The following BRWD1 variants were observed in gnomAD, a reference collection of about 807,000 sequenced individuals.
BRWD1 encodes the protein bromodomain and WD repeat domain containing 1.
BRWD1 carries 82 observed loss-of-function variants against 251.2 expected under a neutral mutation model. That is an observed-to-expected ratio of 0.33 (90% CI 0.27 to 0.39). BRWD1 has a LOEUF of 0.39. Among genes scored for constraint, BRWD1 ranks in the 10% least tolerant of loss-of-function variants. BRWD1 has a pLI of 1.00. For synonymous variants in BRWD1, 918 were observed against 902.8 expected, an observed-to-expected ratio of 1.02 and a Z score of -0.30; for missense variants, 2,233 against 2,711.6, an observed-to-expected ratio of 0.82 and a Z score of 3.92.
chr21:39,280,088 T>A, intron 9 of BRWD1, 60 bp downstream of exon 9: 5 of 1,217,956 alleles, frequency 4.1e-6, no homozygotes, highest in Non-Finnish European at 5.7e-6. Flanking sequence ...CTTCATTTCA[T>A]TAGATTAAAC....
intron 4 of BRWD1, among the ~76,000 whole-genome samples, chr21:39,309,020 G>A (rs1394688169): frequency 3.3e-5 from 5 of 151,860 alleles, no homozygotes; most frequent in African/African-American, 9.7e-5. Flanking sequence ...CTAAAACTAC[G>A]AAAATTAGCT....
chr21:39,286,077 C>T (rs998183351), intron 8 of BRWD1, among the ~76,000 whole-genome samples: 8 of 131,528 alleles, frequency 6.1e-5, no homozygotes, highest in East Asian at 2.2e-4. Flanking sequence ...TGCAGTGGTG[C>T]GATCTCGGCT....
chr21:39,215,663 T>G (rs1345342568), intron 31 of BRWD1, among the ~76,000 whole-genome samples: 1 of 152,002 alleles, frequency 6.6e-6, no homozygotes, highest in African/African-American at 2.4e-5. Flanking sequence ...TTAAAATTGT[T>G]GAATCTCAAT....
chr21:39,203,764 A>G (rs1257321827), intron 37 of BRWD1, among the ~76,000 whole-genome samples: 1 of 150,922 alleles, frequency 6.6e-6, no homozygotes, highest in East Asian at 1.9e-4. Context: ...TAGACATTGA[A>G]GCTTAAAGTT....
intron 12 of BRWD1, among the ~76,000 whole-genome samples, chr21:39,275,169 T>A (rs1212841023): frequency 6.6e-6 from 1 of 152,250 alleles, no homozygotes; most frequent in Non-Finnish European, 1.5e-5. Flanking sequence ...AATTAATTCA[T>A]GTTGGACACT....
At chr21:39,212,952 A>G (rs1475436077) in intron 33 of BRWD1, among the ~76,000 whole-genome samples, 1 of 152,152 alleles carries the variant, frequency 6.6e-6, no homozygotes, top group African/African-American at 2.4e-5. Context: ...TTGAAATTAC[A>G]GCTATAAAAA....
intron 18 of BRWD1, 25 bp from the exon 19 acceptor site, chr21:39,255,853 A>T (rs776731356): frequency 1.3e-6 from 2 of 1,598,026 alleles, no homozygotes; most frequent in Admixed American, 3.3e-5. Context: ...TGGGGAAGTG[A>T]TTCCAATACA....
chr21:39,228,200 A>C (rs1460508049), intron 27 of BRWD1, among the ~76,000 whole-genome samples: 2 of 152,168 alleles, frequency 1.3e-5, no homozygotes, highest in Non-Finnish European at 2.9e-5. Flanking sequence ...AGGCAAGAGA[A>C]TCGCTTGAAC....
intron 17 of BRWD1, among the ~76,000 whole-genome samples, chr21:39,260,490 C>G (rs1015565024): frequency 3.9e-5 from 6 of 152,140 alleles, no homozygotes; most frequent in Non-Finnish European, 7.3e-5. Flanking sequence ...TCTCAAATAT[C>G]AGAATGTTAA....
intron 33 of BRWD1, among the ~76,000 whole-genome samples, chr21:39,213,220 A>G (rs1375139957): frequency 3.9e-5 from 6 of 152,312 alleles, no homozygotes; most frequent in Non-Finnish European, 7.3e-5. Context: ...GGTACTTTAT[A>G]TAATACACCT....
chr21:39,306,296 CTT>C (rs1647487136), intron 4 of BRWD1, among the ~76,000 whole-genome samples: 2 of 152,186 alleles, frequency 1.3e-5, no homozygotes, highest in Admixed American at 1.3e-4. Context: ...GTCTCGATCT[CTT>C]GACCTTGTGA....
chr21:39,313,799 G>A (rs1356383798), upstream of BRWD1: 1 of 372,346 alleles, frequency 2.7e-6, no homozygotes, highest in African/African-American at 2.2e-5. Flanking sequence ...TGAGGAGAAA[G>A]TGACGCGGAG....
At position 39,194,076 on chromosome 21, in the gene BRWD1, CTTCTGTA is replaced by C; in HGVS notation, c.*2176_*2182del. On this transcript the variant is annotated 3_prime_UTR_variant, in exon 41 of 41. Coordinates refer to ENST00000342449, the MANE Select transcript of BRWD1 (RefSeq NM_033656.4). ...AATCTGATTAAAAACCAAAATACCA[CTTCTGTA>C]TGCAAGGGTCTAACTATTTTGGACT... The C allele has an allele frequency of 8.1e-6, 8 of 985,440 alleles. No homozygotes were observed. The highest frequency in any genetic ancestry group is 9.6e-6 in the Non-Finnish European group (8 of 829,716). 61.0% of individuals were successfully genotyped at this position (985,440 alleles called of 1,614,324 possible).
intron 4 of BRWD1, 85 bp from the exon 5 acceptor site, chr21:39,298,667 A>G (rs947623738): frequency 5.5e-6 from 6 of 1,094,410 alleles, no homozygotes; most frequent in Non-Finnish European, 7.6e-6. Flanking sequence ...GCAAAATGTG[A>G]AAAACATACA....
In BRWD1 at chr21:39,268,282, T is replaced by C. The variant is rs538250168; in HGVS notation, c.1530+1617A>G. ...GGTGAAACCCCATCTCTACTAAAAA[T>C]ACAAAAAATTAGCTGGATGTGATGG... is the stretch of plus-strand genomic sequence containing the variant. On this transcript the variant is annotated intron_variant, in intron 15 of 40. Transcript: ENST00000342449. 5.3e-5 allele frequency among the ~76,000 whole-genome samples: 8 copies of C among 151,854 alleles called. No homozygotes were observed. In the East Asian group the frequency reaches 9.7e-4, roughly 18 times the overall value.
intron 21 of BRWD1, among the ~76,000 whole-genome samples, chr21:39,245,716 C>G (rs763336796): frequency 1.4e-4 from 21 of 151,794 alleles, no homozygotes; most frequent in Non-Finnish European, 2.6e-4. Flanking sequence ...TCTCCTGCCT[C>G]AGCCTCCCAA....
At chr21:39,321,200 T>G (rs531752374) in exon 1 of BRWD1, 1 of 151,778 alleles carries the variant, frequency 6.6e-6, no homozygotes, top group African/African-American at 2.4e-5. Flanking sequence ...ATCCCAGCAC[T>G]TTGGGAGGCC....
At chr21:39,302,474 G>A (rs930373780) in intron 4 of BRWD1, among the ~76,000 whole-genome samples, 6 of 152,014 alleles carry the variant, frequency 3.9e-5, no homozygotes, top group African/African-American at 7.2e-5. Context: ...TGGTAAGGCC[G>A]GGCTGAGAGC....
At chr21:39,203,273 A>G (rs2146472363) in intron 37 of BRWD1, among the ~76,000 whole-genome samples, 1 of 152,230 alleles carries the variant, frequency 6.6e-6, no homozygotes, top group African/African-American at 2.4e-5. Context: ...GCAACATAGC[A>G]TGACCCCATG....
Sources: gnomAD v4.1 joint callset for allele counts (sites outside exome capture counted in the v4.1 genomes callset) on GRCh38, gnomAD v4.1.1 for gene constraint, MANE v1.5 for transcripts, NCBI Gene and HGNC (gene_info 2026-07-23, HGNC 2026-07-21) for gene names.